HS2ST1: variants seen among roughly 807,000 people sequenced by gnomAD.
HS2ST1 encodes the protein heparan sulfate 2-O-sulfotransferase 1, also known as 2-O-sulfotransferase.
Under a neutral mutation model 42.9 loss-of-function variants are expected in HS2ST1, and 18 were observed. The observed-to-expected ratio is 0.42, with a 90% confidence interval of 0.29 to 0.62. The LOEUF (loss-of-function observed/expected upper bound fraction) is 0.62, where lower values mean the gene tolerates loss of function less well. Ranked by LOEUF, HS2ST1 falls within the 20% of genes least tolerant of loss-of-function variation. HS2ST1 has a pLI of 0.21. For missense variants in HS2ST1, 334 were observed against 433.8 expected, an observed-to-expected ratio of 0.77 and a Z score of 2.04; for synonymous variants, 146 against 152.9, an observed-to-expected ratio of 0.95 and a Z score of 0.33.
intron 1 of HS2ST1, chr1:87,064,386 G>A: frequency 2.1e-6 from 1 of 470,434 alleles, no homozygotes; most frequent in Non-Finnish European, 4.2e-6. Context: ...TTCATGTATT[G>A]TGTGCCAGTA....
intron 1 of HS2ST1, among the ~76,000 whole-genome samples, chr1:86,964,452 A>G (rs894008943): frequency 1.3e-5 from 2 of 152,232 alleles, no homozygotes; most frequent in Non-Finnish European, 2.9e-5. Flanking sequence ...CCCGGCCAAC[A>G]CAGCGAAACC....
At position 87,072,993 on chromosome 1, in the gene HS2ST1, C is replaced by T; in HGVS notation, c.184C>T (p.Pro62Ser). 1 of 1,614,030 alleles carries T rather than the reference C, an allele frequency of 6.2e-7. No homozygotes were observed. Among genetic ancestry groups the T allele is most frequent in the Non-Finnish European group, 8.5e-7 (1 of 1,179,984 alleles). The change falls in exon 2 of 7, where the codon CCT becomes TCT. Residue 62 changes from proline to serine, a missense_variant. Transcript: ENST00000370550. ...EIEQRHTMDG[P>S]RQDATLDEEE... ...TGAGCAGCGACATACAATGGATGGC[C>T]CTCGGCAAGATGCCACTTTAGATGA... is the stretch of plus-strand genomic sequence containing the variant.
chr1:86,973,817 T>C (rs555154138), intron 1 of HS2ST1, among the ~76,000 whole-genome samples: 2 of 152,366 alleles, frequency 1.3e-5, no homozygotes, highest in Non-Finnish European at 2.9e-5. Context: ...GGATAAAATA[T>C]GATATGTAGA....
chr1:87,012,902 A>C (rs1649643006), intron 1 of HS2ST1, among the ~76,000 whole-genome samples: 1 of 152,234 alleles, frequency 6.6e-6, no homozygotes, highest in African/African-American at 2.4e-5. Context: ...TTAAAGCTCC[A>C]AAATGATCTT....
At chr1:87,053,429 T>A (rs1244765880) in intron 1 of HS2ST1, among the ~76,000 whole-genome samples, 1 of 152,218 alleles carries the variant, frequency 6.6e-6, no homozygotes, top group Admixed American at 6.5e-5. Flanking sequence ...ATTACAAAGC[T>A]TATATATAAT....
At chr1:87,018,204 G>A (rs1019154840) in intron 1 of HS2ST1, among the ~76,000 whole-genome samples, 1 of 149,164 alleles carries the variant, frequency 6.7e-6, no homozygotes, top group Non-Finnish European at 1.5e-5. Flanking sequence ...TTTACCCTTC[G>A]TTTACTGCCC....
chr1:87,020,306 C>A (rs181307469), intron 1 of HS2ST1, among the ~76,000 whole-genome samples: 2 of 152,242 alleles, frequency 1.3e-5, no homozygotes, highest in African/African-American at 4.8e-5. Context: ...TTAGTTCTCA[C>A]AGTGTATATT....
intron 1 of HS2ST1, among the ~76,000 whole-genome samples, chr1:87,007,396 C>T (rs564427147): frequency 5.3e-5 from 8 of 152,120 alleles, no homozygotes; most frequent in Admixed American, 2.0e-4. Flanking sequence ...TTTGTAGCTC[C>T]TGCCACCATT....
At position 87,048,674 on chromosome 1, in the gene HS2ST1, T is replaced by C. The variant is rs955031563; in HGVS notation, c.125-24260T>C. On this transcript the variant is annotated intron_variant, in intron 1 of 6. Coordinates refer to ENST00000370550, the MANE Select transcript of HS2ST1 (RefSeq NM_012262.4). ...GCTGAGATTTTTATCATGCTTCTAG[T>C]CCCAGTTTGCTGAGATTTTTATCAT... Among the ~76,000 whole-genome samples the C allele has an allele frequency of 5.2e-5, 6 of 116,290 alleles. No individual in the cohort carries two copies. The Admixed American group carries it at 5.8e-4, about 11-fold the overall frequency. The allele number at this position is 116,290 out of a possible 152,430, so 76.3% of individuals were successfully genotyped here.
rs1323449816 is a variant in HS2ST1, at chr1:86,985,395, C to T, written c.124+70235C>T. 9.4e-5 allele frequency among the ~76,000 whole-genome samples: 3 copies of T among 31,826 alleles called. 1 individual carries two copies. The highest frequency in any genetic ancestry group is 2.6e-4 in the Non-Finnish European group (3 of 11,594). The allele number at this position is 31,826 out of a possible 152,430, so 20.9% of individuals were successfully genotyped here. On this transcript the variant is annotated intron_variant, in intron 1 of 6. Transcript: ENST00000370550. ...ATATATATATATATACACACACACACACACATATATATACACATATATATA... is the reference window on the plus strand; with the variant it reads ...ATATATATATATATACACACACACATACACATATATATACACATATATATA...
At chr1:87,086,400 A>C (rs1651816333) in intron 3 of HS2ST1, among the ~76,000 whole-genome samples, 1 of 152,180 alleles carries the variant, frequency 6.6e-6, no homozygotes, top group Non-Finnish European at 1.5e-5. Context: ...CGTGTTGTTC[A>C]AGGGTCAATT....
At chr1:86,938,984 A>C (rs1030980850) in intron 1 of HS2ST1, among the ~76,000 whole-genome samples, 1 of 152,230 alleles carries the variant, frequency 6.6e-6, no homozygotes, top group African/African-American at 2.4e-5. Flanking sequence ...AATACTAATT[A>C]GTACTTGAAC....
intron 1 of HS2ST1, among the ~76,000 whole-genome samples, chr1:86,918,007 C>T (rs934369300): frequency 6.6e-6 from 1 of 152,064 alleles, no homozygotes; most frequent in Non-Finnish European, 1.5e-5. Context: ...CATAAAAAAC[C>T]TATTAAACAT....
At chr1:86,961,112 A>G (rs559939331) in intron 1 of HS2ST1, among the ~76,000 whole-genome samples, 3 of 147,308 alleles carry the variant, frequency 2.0e-5, no homozygotes, top group African/African-American at 7.5e-5. Context: ...TTATCAGGCC[A>G]TGAAAAGACA....
chr1:87,064,226 G>A (rs558081366), intron 1 of HS2ST1, among the ~76,000 whole-genome samples: 1 of 152,260 alleles, frequency 6.6e-6, no homozygotes, highest in South Asian at 2.1e-4. Context: ...TCTTTTGTCT[G>A]TACCTGTTTC....
At chr1:87,088,766 C>T (rs918092410) in intron 3 of HS2ST1, among the ~76,000 whole-genome samples, 11 of 131,348 alleles carry the variant, frequency 8.4e-5, no homozygotes, top group African/African-American at 2.5e-4. Context: ...CTAATAGGTG[C>T]ACAGTTGATG....
At chr1:87,033,214 T>C (rs2892962) in intron 1 of HS2ST1, among the ~76,000 whole-genome samples, 129,146 of 152,210 alleles carry the variant, frequency 0.85, 55,875 homozygotes, top group East Asian at 0.99. Flanking sequence ...GTCTAATCTT[T>C]TTCCATCTGT....
rs1652307204 is a variant in HS2ST1 at position 87,105,467 on chromosome 1, T to C, written c.*771T>C. 2 of 152,280 alleles carry C rather than the reference T, an allele frequency of 1.3e-5. No individual in the cohort carries two copies. Among genetic ancestry groups the C allele is most frequent in the African/African-American group, 4.8e-5 (2 of 41,440 alleles). 9.4% of individuals were successfully genotyped at this position (152,280 alleles called of 1,614,324 possible). A position where few individuals can be genotyped will look rare whatever the true frequency, so the allele number is the denominator to read the frequency against. On this transcript the variant is annotated 3_prime_UTR_variant, in exon 7 of 7. Transcript: ENST00000370550. ...CAAAAAAGTAAGTTTAGTATTTGTT[T>C]CTCCATGGGTTATTTGTAAAGCTGT...
chr1:86,977,329 A>G (rs1648449720), intron 1 of HS2ST1, among the ~76,000 whole-genome samples: 1 of 152,216 alleles, frequency 6.6e-6, no homozygotes, highest in Non-Finnish European at 1.5e-5. Context: ...TCATTTGCCA[A>G]CAAAGTCCTC....
Sources: allele counts gnomAD v4.1 joint callset (sites outside exome capture counted in the v4.1 genomes callset), GRCh38; gene constraint gnomAD v4.1.1; transcripts MANE v1.5; gene names NCBI Gene and HGNC (gene_info 2026-07-23, HGNC 2026-07-21).